Variants in TLE3 observed in about 807,000 individuals in gnomAD.
TLE3 encodes transducin-like enhancer protein 3.
Under a neutral mutation model 93.0 loss-of-function variants are expected in TLE3, and 14 were observed. That is an observed-to-expected ratio of 0.15 (90% CI 0.10 to 0.24). The LOEUF is 0.24. Among genes scored for constraint, TLE3 ranks in the 10% least tolerant of loss-of-function variants. The pLI, the probability that TLE3 is intolerant of heterozygous loss-of-function variation, is 1.00. For missense variants in TLE3, 693 were observed against 1,046.6 expected, an observed-to-expected ratio of 0.66 and a Z score of 4.66; for synonymous variants, 451 against 425.0, an observed-to-expected ratio of 1.06 and a Z score of -0.75.
chr15:70,097,063 C>T lies in TLE3; in HGVS notation c.-265G>A. The T allele has an allele frequency of 2.0e-6, 1 of 494,800 alleles. No homozygotes were observed. The highest frequency in any genetic ancestry group is 3.6e-5 in the East Asian group (1 of 28,036). 30.7% of individuals were successfully genotyped at this position (494,800 alleles called of 1,614,324 possible). On this transcript the variant is annotated 5_prime_UTR_variant, in exon 1 of 20. Transcript: ENST00000451782. Reference sequence around the variant, plus strand: ...GCGCGGGCTTTGTGCGCCTAGGGCTCGGCGGGCAGCGGCCGGCCGCCTTCC... The same window carrying T: ...GCGCGGGCTTTGTGCGCCTAGGGCTTGGCGGGCAGCGGCCGGCCGCCTTCC...
intron 19 of TLE3, 131 bp downstream of exon 19, chr15:70,051,260 G>T: frequency 1.2e-6 from 1 of 843,934 alleles, no homozygotes. Flanking sequence ...GGGTGGGGAG[G>T]GGACCAGGGC....
At chr15:70,083,033 T>C (rs2057862446) in intron 4 of TLE3, among the ~76,000 whole-genome samples, 2 of 152,166 alleles carry the variant, frequency 1.3e-5, no homozygotes, top group Admixed American at 6.5e-5. Flanking sequence ...GGTAGCAACA[T>C]ACAGTCTAGA....
At chr15:70,090,326 C>T (rs1490127379) in intron 4 of TLE3, among the ~76,000 whole-genome samples, 1 of 152,008 alleles carries the variant, frequency 6.6e-6, no homozygotes, top group Non-Finnish European at 1.5e-5. Flanking sequence ...GATGCTAGCA[C>T]TCTGGCAAAA....
intron 10 of TLE3, among the ~76,000 whole-genome samples, chr15:70,059,125 C>T (rs965126550): frequency 3.3e-5 from 5 of 152,212 alleles, no homozygotes; most frequent in African/African-American, 7.2e-5. Flanking sequence ...CCTGGGGGGA[C>T]GGAGGATCAC....
At chr15:70,062,012 A>G (rs933966917) in intron 8 of TLE3, among the ~76,000 whole-genome samples, 2 of 152,190 alleles carry the variant, frequency 1.3e-5, no homozygotes, top group South Asian at 2.1e-4. Flanking sequence ...GGCCACTTGG[A>G]GGGAACGGGG....
chr15:70,094,146 A>C (rs1415521513), intron 4 of TLE3, among the ~76,000 whole-genome samples: 1 of 151,938 alleles, frequency 6.6e-6, no homozygotes, highest in Non-Finnish European at 1.5e-5. Context: ...GAAAAAAAAA[A>C]GGAGAAAGAA....
In TLE3 at chr15:70,055,700, C is replaced by A. The variant is rs529225536; in HGVS notation, c.1329-402G>T. 5.9e-5 allele frequency: 12 copies of A among 203,400 alleles called. 1 individual carries two copies. The South Asian group carries it at 1.3e-3, about 22-fold the overall frequency. 12.6% of individuals were successfully genotyped at this position (203,400 alleles called of 1,614,324 possible). A position where few individuals can be genotyped will look rare whatever the true frequency, so the allele number is the denominator to read the frequency against. ...CCCCTGCAATAGCAAATGGGAAAGT[C>A]CATGTCAGAGCCTGTGGTGAGCCAG... On this transcript the variant is annotated intron_variant, in intron 14 of 19. Coordinates refer to ENST00000451782, the MANE Select transcript of TLE3 (RefSeq NM_001105192.3).
Position 70,097,199 on chromosome 15 carries a change from G to T in TLE3, c.-401C>A. The T allele has an allele frequency of 2.4e-6, 1 of 408,740 alleles. No homozygotes were observed. The highest frequency in any genetic ancestry group is 1.0e-4 in the South Asian group (1 of 9,888). The allele number at this position is 408,740 out of a possible 1,614,324, so 25.3% of individuals were successfully genotyped here. On this transcript the variant is annotated 5_prime_UTR_variant, in exon 1 of 20. Coordinates refer to ENST00000451782, the MANE Select transcript of TLE3 (RefSeq NM_001105192.3). Reference sequence around the variant, plus strand: ...GGGGCCCCTCCTGGGGCGAGCTCGGGCCCCCTCCGGGTCACTCAGCGGGTC... The same window carrying T: ...GGGGCCCCTCCTGGGGCGAGCTCGGTCCCCCTCCGGGTCACTCAGCGGGTC...
At chr15:70,096,684 G>T in intron 1 of TLE3, 91 bp downstream of exon 1, 1 of 1,569,084 alleles carries the variant, frequency 6.4e-7, no homozygotes, top group Admixed American at 1.9e-5. Context: ...CACCATAAAG[G>T]TAGCAACAAG....
chr15:70,087,928 G>A (rs2058106836), intron 4 of TLE3, among the ~76,000 whole-genome samples: 1 of 152,178 alleles, frequency 6.6e-6, no homozygotes, highest in African/African-American at 2.4e-5. Context: ...CTCCAAGCCT[G>A]GTGTGAACCT....
intron 15 of TLE3, 158 bp from the exon 16 acceptor site, chr15:70,054,843 C>A (rs1285305521): frequency 3.2e-6 from 4 of 1,246,408 alleles, no homozygotes; most frequent in African/African-American, 1.5e-5. Context: ...AAATTCACAA[C>A]CCTTTGATCT....
At chr15:70,090,505 T>C (rs1240636421) in intron 4 of TLE3, among the ~76,000 whole-genome samples, 1 of 152,172 alleles carries the variant, frequency 6.6e-6, no homozygotes, top group African/African-American at 2.4e-5. Context: ...GGTAGCTCCC[T>C]CTGGCCACCT....
At chr15:70,064,692 C>A (rs957088030) in intron 7 of TLE3, among the ~76,000 whole-genome samples, 5 of 152,098 alleles carry the variant, frequency 3.3e-5, no homozygotes, top group African/African-American at 1.2e-4. Context: ...ACCCAAATTC[C>A]AATGCTGCCC....
At chr15:70,073,423 T>C (rs4777230) in intron 6 of TLE3, among the ~76,000 whole-genome samples, 16,096 of 152,172 alleles carry the variant, frequency 0.11, 982 homozygotes, top group East Asian at 0.14. Context: ...CAGTTCCACC[T>C]TGAAATAGTG....
At chr15:70,062,724 GACA>G (rs968911903) in intron 8 of TLE3, among the ~76,000 whole-genome samples, 3 of 148,526 alleles carry the variant, frequency 2.0e-5, no homozygotes, top group Admixed American at 6.8e-5. Flanking sequence ...CTCATCTGTT[GACA>G]ACCTGGTTTC....
chr15:70,072,222 T>C (rs144940736), intron 6 of TLE3, among the ~76,000 whole-genome samples: 6 of 152,316 alleles, frequency 3.9e-5, no homozygotes, highest in Middle Eastern at 3.4e-3. Flanking sequence ...TCCTGAATAC[T>C]ACTTAAGGGA....
Position 70,053,383 on chromosome 15 carries a change from G to A in TLE3, c.1827-9C>T. ...TGTGGCCCTGGAACTGCCTACGAAA[G>A]CCAAGCAGGGAGGAGGGTGAGTCCC... On this transcript the variant is annotated splice_polypyrimidine_tract_variant and intron_variant, in intron 16 of 19. Coordinates refer to ENST00000451782, the MANE Select transcript of TLE3 (RefSeq NM_001105192.3). 1.3e-6 allele frequency: 2 copies of A among 1,594,076 alleles called. No homozygotes were observed. Among genetic ancestry groups the A allele is most frequent in the Non-Finnish European group, 1.7e-6 (2 of 1,166,066 alleles).
At chr15:70,073,753 C>G (rs760389280) in intron 6 of TLE3, among the ~76,000 whole-genome samples, 3 of 152,222 alleles carry the variant, frequency 2.0e-5, no homozygotes, top group East Asian at 1.9e-4. Context: ...AAAGACTCTT[C>G]TTCCTCAGGT....
intron 4 of TLE3, chr15:70,079,322 GCAGGAA>G (rs770898699): frequency 2.2e-5 from 11 of 492,000 alleles, no homozygotes; most frequent in Non-Finnish European, 4.5e-5. Flanking sequence ...TCTCTGCAAG[GCAGGAA>G]GGACTTTGGC....
Sources: allele counts gnomAD v4.1 joint callset (sites outside exome capture counted in the v4.1 genomes callset), GRCh38; gene constraint gnomAD v4.1.1; transcripts MANE v1.5; gene names NCBI Gene and HGNC (gene_info 2026-07-23, HGNC 2026-07-21).